Variants in PRKAR2A observed in about 807,000 individuals in gnomAD.
PRKAR2A encodes the protein protein kinase cAMP-dependent type II regulatory subunit alpha.
Under a neutral mutation model 51.9 loss-of-function variants are expected in PRKAR2A, and 29 were observed. The observed-to-expected ratio is 0.56, with a 90% CI of 0.42 to 0.76. The LOEUF (loss-of-function observed/expected upper bound fraction) is 0.76, where lower values mean the gene tolerates loss of function less well. Among genes scored for constraint, PRKAR2A ranks in the 30% least tolerant of loss-of-function variants. The probability of loss-of-function intolerance (pLI) is 0.00; values close to 1 mark genes in which losing one functional copy is unlikely to be tolerated. For synonymous variants in PRKAR2A, 178 were observed against 186.2 expected (o/e 0.96, Z 0.36); for missense variants, 445 against 512.1 (o/e 0.87, Z 1.26).
At chr3:48,777,867 AGAC>A (rs778717368) in intron 5 of PRKAR2A, among the ~76,000 whole-genome samples, 64 of 152,248 alleles carry the variant, frequency 4.2e-4, no homozygotes, top group Non-Finnish European at 7.5e-4. Flanking sequence ...AGGCCTTTAT[AGAC>A]AAGGCAAAAT....
chr3:48,826,332 AAAGC>A (rs2083065281), intron 1 of PRKAR2A, among the ~76,000 whole-genome samples: 1 of 152,210 alleles, frequency 6.6e-6, no homozygotes, highest in Non-Finnish European at 1.5e-5. Context: ...AGAACTCAGA[AAAGC>A]ACTGTATTTA....
At chr3:48,841,700 C>T (rs1223227880) in intron 1 of PRKAR2A, among the ~76,000 whole-genome samples, 4 of 151,998 alleles carry the variant, frequency 2.6e-5, no homozygotes, top group Non-Finnish European at 5.9e-5. Flanking sequence ...GAGTAATGCA[C>T]AAGGGTTCCA....
At chr3:48,770,211 G>A (rs570137182) in intron 6 of PRKAR2A, among the ~76,000 whole-genome samples, 26 of 152,046 alleles carry the variant, frequency 1.7e-4, no homozygotes, top group Non-Finnish European at 3.2e-4. Context: ...GCATCCAATC[G>A]AGCAGTGAAG....
At chr3:48,765,127 C>T (rs1475739885) in intron 7 of PRKAR2A, 49 bp from the exon 8 acceptor site, 2 of 1,577,840 alleles carry the variant, frequency 1.3e-6, no homozygotes, top group East Asian at 2.2e-5. Flanking sequence ...AATTGAAAGT[C>T]ACAATAGCTA....
intron 1 of PRKAR2A, among the ~76,000 whole-genome samples, chr3:48,812,857 C>T (rs1272721509): frequency 1.3e-5 from 2 of 152,124 alleles, no homozygotes; most frequent in East Asian, 3.8e-4. Context: ...CTGAAATACA[C>T]GTGGATTTTT....
At position 48,823,069 on chromosome 3, in the gene PRKAR2A, G is replaced by C. The variant is rs146128500; in HGVS notation, c.263-15385C>G. 3.3e-3 allele frequency among the ~76,000 whole-genome samples: 497 copies of C among 151,658 alleles called. 2 individuals carry two copies. The highest frequency in any genetic ancestry group is 0.011 in the African/African-American group (470 of 41,402). On this transcript the variant is annotated intron_variant, in intron 1 of 10. Coordinates refer to ENST00000265563, the MANE Select transcript of PRKAR2A (RefSeq NM_004157.4). ...AATCACACAAAGGACTATTTTAAGT[G>C]ACTTTTTTTTTTTTAACATAGAGAC...
chr3:48,788,001 C>A (rs1003191386), intron 4 of PRKAR2A, among the ~76,000 whole-genome samples: 1 of 152,052 alleles, frequency 6.6e-6, no homozygotes, highest in African/African-American at 2.4e-5. Flanking sequence ...GCCATTCATG[C>A]GGTTTTAAAT....
At chr3:48,817,123 T>C (rs1424968262) in intron 1 of PRKAR2A, among the ~76,000 whole-genome samples, 1 of 146,016 alleles carries the variant, frequency 6.8e-6, no homozygotes, top group African/African-American at 2.6e-5. Context: ...GATCAAGAGA[T>C]TGAGACCATC....
At chr3:48,817,745 A>G (rs1254887333) in intron 1 of PRKAR2A, among the ~76,000 whole-genome samples, 1 of 151,534 alleles carries the variant, frequency 6.6e-6, no homozygotes, top group Non-Finnish European at 1.5e-5. Flanking sequence ...AAGAGAGAGA[A>G]AAAACACTTC....
intron 1 of PRKAR2A, among the ~76,000 whole-genome samples, chr3:48,828,381 T>C (rs2083104103): frequency 6.6e-6 from 1 of 152,026 alleles, no homozygotes; most frequent in Non-Finnish European, 1.5e-5. Flanking sequence ...TCTTTTGTAA[T>C]AACATTTACC....
intron 2 of PRKAR2A, 124 bp from the exon 3 acceptor site, chr3:48,794,173 C>CAA (rs1221944003): frequency 1.4e-6 from 1 of 714,692 alleles, no homozygotes; most frequent in Admixed American, 3.0e-5. Context: ...TTTTTTGAGA[C>CAA]AGAGTTTTGC....
chr3:48,764,947 G>A (rs2081916943), intron 8 of PRKAR2A, 57 bp downstream of exon 8: 4 of 1,471,822 alleles, frequency 2.7e-6, no homozygotes, highest in Non-Finnish European at 3.8e-6. Flanking sequence ...GATAAATGAT[G>A]TACTAGTTCT....
intron 4 of PRKAR2A, 92 bp from the exon 5 acceptor site, chr3:48,783,184 A>G (rs2082232135): frequency 1.2e-6 from 1 of 807,198 alleles, no homozygotes; most frequent in East Asian, 2.5e-5. Context: ...ACTATGTAAC[A>G]GAAGTCCCCA....
chr3:48,787,775 CCA>C (rs1338830537), intron 4 of PRKAR2A, among the ~76,000 whole-genome samples: 2 of 152,118 alleles, frequency 1.3e-5, no homozygotes, highest in African/African-American at 4.8e-5. Flanking sequence ...TTACTGTAAA[CCA>C]CACAGTTATT....
intron 3 of PRKAR2A, among the ~76,000 whole-genome samples, chr3:48,791,559 A>G (rs945744081): frequency 1.2e-4 from 15 of 126,836 alleles, no homozygotes; most frequent in African/African-American, 4.2e-4. Flanking sequence ...GTACCACTGC[A>G]CTGTAGCCTG....
At chr3:48,798,940 CG>C (rs1364434265) in intron 2 of PRKAR2A, among the ~76,000 whole-genome samples, 3 of 152,160 alleles carry the variant, frequency 2.0e-5, no homozygotes, top group Non-Finnish European at 4.4e-5. Flanking sequence ...GGATTACAGG[CG>C]TAAGCCCTCG....
At chr3:48,756,298 G>T in intron 9 of PRKAR2A, 81 bp downstream of exon 9, 1 of 1,226,260 alleles carries the variant, frequency 8.2e-7, no homozygotes, top group Non-Finnish European at 1.2e-6. Context: ...ATGGTTTGGT[G>T]TATTCAACAC....
chr3:48,828,370 C>T (rs1017495764), intron 1 of PRKAR2A, among the ~76,000 whole-genome samples: 59 of 152,100 alleles, frequency 3.9e-4, no homozygotes, highest in African/African-American at 1.3e-3. Flanking sequence ...GACTTTTTGA[C>T]TCTTTTGTAA....
intron 9 of PRKAR2A, among the ~76,000 whole-genome samples, chr3:48,755,707 A>C (rs537598856): frequency 8.6e-5 from 13 of 150,940 alleles, no homozygotes; most frequent in African/African-American, 3.2e-4. Context: ...TCTTGGGCTC[A>C]AGAGATCCTC....
Sources: gnomAD v4.1 joint callset for allele counts (sites outside exome capture counted in the v4.1 genomes callset) on GRCh38, gnomAD v4.1.1 for gene constraint, MANE v1.5 for transcripts, NCBI Gene and HGNC (gene_info 2026-07-23, HGNC 2026-07-21) for gene names.